Variants in MSI2 observed in about 807,000 individuals in gnomAD.
MSI2 encodes musashi RNA binding protein 2.
MSI2 carries 17 observed loss-of-function variants against 45.6 expected under a neutral mutation model. The observed-to-expected ratio is 0.37, with a 90% CI of 0.26 to 0.56. The LOEUF (loss-of-function observed/expected upper bound fraction) is 0.56, where lower values mean the gene tolerates loss of function less well. Ranked by LOEUF, MSI2 falls within the 20% of genes least tolerant of loss-of-function variation. The pLI is 0.77. For missense variants in MSI2, 293 were observed against 444.2 expected, an observed-to-expected ratio of 0.66 and a Z score of 3.06; for synonymous variants, 156 against 158.2, an observed-to-expected ratio of 0.99 and a Z score of 0.11.
At chr17:57,617,225 TCTC>T (rs1907801578) in intron 9 of MSI2, among the ~76,000 whole-genome samples, 1 of 152,236 alleles carries the variant, frequency 6.6e-6, no homozygotes, top group African/African-American at 2.4e-5. Context: ...TGATGTTAAT[TCTC>T]CTCATATGAA....
At chr17:57,698,759 G>A in the MSI2 span, among the ~76,000 whole-genome samples, 5 of 152,060 alleles carry the variant, frequency 3.3e-5, no homozygotes, top group African/African-American at 7.2e-5. Flanking sequence ...GTCAAGTCAC[G>A]TGTTTCAAAA....
At chr17:57,539,026 GT>G (rs375843825) in intron 7 of MSI2, among the ~76,000 whole-genome samples, 94 of 152,236 alleles carry the variant, frequency 6.2e-4, no homozygotes, top group African/African-American at 2.1e-3. Flanking sequence ...ACTCAAATAT[GT>G]TTTATGCACA....
At position 57,575,147 on chromosome 17, in the gene MSI2, T is replaced by C. The variant is rs922257821; in HGVS notation, c.455-21721T>C. Among the ~76,000 whole-genome samples the C allele has an allele frequency of 7.2e-3, 857 of 119,034 alleles. 4 individuals are homozygous for C. The highest frequency in any genetic ancestry group is 0.013 in the African/African-American group (348 of 27,504). 78.1% of individuals were successfully genotyped at this position (119,034 alleles called of 152,430 possible). A position where few individuals can be genotyped will look rare whatever the true frequency, so the allele number is the denominator to read the frequency against. On this transcript the variant is annotated intron_variant, in intron 7 of 13. Transcript: ENST00000284073. Reference sequence around the variant, plus strand: ...GCCCGGCCGCATTCTCTTTTTTAACTCCCTCCCCCCGCCACCCCCCGGCTG... The same window carrying C: ...GCCCGGCCGCATTCTCTTTTTTAACCCCCTCCCCCCGCCACCCCCCGGCTG...
chr17:57,479,910 A>G (rs927869045), intron 6 of MSI2, among the ~76,000 whole-genome samples: 1 of 152,248 alleles, frequency 6.6e-6, no homozygotes, highest in African/African-American at 2.4e-5. Flanking sequence ...ACGTTCTGCC[A>G]GCATTCAAAC....
At chr17:57,525,488 A>G (rs762222850) in intron 6 of MSI2, among the ~76,000 whole-genome samples, 1 of 152,102 alleles carries the variant, frequency 6.6e-6, no homozygotes, top group Non-Finnish European at 1.5e-5. Flanking sequence ...AGGTCTTGCT[A>G]TGTTGCCCAG....
At position 57,268,538 on chromosome 17, in the gene MSI2, TAA is replaced by T. The variant is rs34718628; in HGVS notation, c.312+6359_312+6360del. 672 of 143,070 alleles carry T rather than the reference TAA, an allele frequency of 4.7e-3. 5 individuals carry two copies. Among genetic ancestry groups the T allele is most frequent in the African/African-American group, 0.016 (628 of 39,292 alleles). 8.9% of individuals were successfully genotyped at this position (143,070 alleles called of 1,614,324 possible). On this transcript the variant is annotated intron_variant, in intron 5 of 13. Coordinates refer to ENST00000284073, the MANE Select transcript of MSI2 (RefSeq NM_138962.4). ...GACACAAGCATATTTTACTAATAAT[TAA>T]AAAAAAAAAAAACCCAGCCAGGTGC...
At chr17:57,534,208 T>G (rs1884356005) in intron 7 of MSI2, among the ~76,000 whole-genome samples, 1 of 152,238 alleles carries the variant, frequency 6.6e-6, no homozygotes, top group Non-Finnish European at 1.5e-5. Flanking sequence ...GCTCTTACAC[T>G]CTGCAAGCAT....
intron 7 of MSI2, among the ~76,000 whole-genome samples, chr17:57,555,739 A>G (rs1441054257): frequency 6.6e-6 from 1 of 152,194 alleles, no homozygotes; most frequent in African/African-American, 2.4e-5. Context: ...TACTTGGTAT[A>G]TGCTTATTAA....
At chr17:57,443,792 G>T (rs902744735) in intron 6 of MSI2, among the ~76,000 whole-genome samples, 1 of 152,176 alleles carries the variant, frequency 6.6e-6, no homozygotes, top group Admixed American at 6.5e-5. Context: ...GACAAAAGGG[G>T]ATCATCATTG....
chr17:57,478,445 C>A (rs1836252558), intron 6 of MSI2, among the ~76,000 whole-genome samples: 1 of 152,190 alleles, frequency 6.6e-6, no homozygotes, highest in South Asian at 2.1e-4. Context: ...CTTTAGGATG[C>A]ACTGCCAGAT....
chr17:57,631,062 T>G (rs1909323518), intron 10 of MSI2: 1 of 152,374 alleles, frequency 6.6e-6, no homozygotes, highest in South Asian at 2.1e-4. Flanking sequence ...TGATGTTTTC[T>G]TTGTGGTCTT....
At chr17:57,303,668 C>G (rs1186288426) in intron 5 of MSI2, among the ~76,000 whole-genome samples, 1 of 152,188 alleles carries the variant, frequency 6.6e-6, no homozygotes, top group Non-Finnish European at 1.5e-5. Context: ...TGCTACATCA[C>G]TCGGAATACC....
At chr17:57,504,947 A>C (rs1333231434) in intron 6 of MSI2, among the ~76,000 whole-genome samples, 1 of 150,950 alleles carries the variant, frequency 6.6e-6, no homozygotes, top group Non-Finnish European at 1.5e-5. Context: ...AAAAAAAAAG[A>C]AGAAAAAGTA....
intron 5 of MSI2, among the ~76,000 whole-genome samples, chr17:57,358,722 G>C (rs1916617810): frequency 6.6e-6 from 1 of 152,126 alleles, no homozygotes; most frequent in Non-Finnish European, 1.5e-5. Context: ...AATAATTTTA[G>C]GACAAATAAA....
chr17:57,420,231 A>G (rs1162191787), intron 6 of MSI2, among the ~76,000 whole-genome samples: 1 of 152,218 alleles, frequency 6.6e-6, no homozygotes, highest in Admixed American at 6.5e-5. Context: ...CAAGGTAGAC[A>G]TGGGTCAGCC....
intron 11 of MSI2, among the ~76,000 whole-genome samples, chr17:57,664,822 T>C (rs564256607): frequency 8.9e-4 from 135 of 152,272 alleles, no homozygotes; most frequent in African/African-American, 3.1e-3. Context: ...AACCCAGAGA[T>C]TGTGGCCAGT....
intron 5 of MSI2, among the ~76,000 whole-genome samples, chr17:57,326,278 C>T (rs779361126): frequency 5.9e-5 from 9 of 152,084 alleles, no homozygotes; most frequent in Non-Finnish European, 1.3e-4. Context: ...TTCTTGATCC[C>T]GCTTAGTGTG....
rs1200532943 is a variant in MSI2, at chr17:57,680,590, C to T, written c.*1073C>T. Reference sequence around the variant, plus strand: ...ACCTAAGAACTGTATTAGTGTTGTACCAGCCTATTAACCTCTTGTCTGTGC... The same window carrying T: ...ACCTAAGAACTGTATTAGTGTTGTATCAGCCTATTAACCTCTTGTCTGTGC... On this transcript the variant is annotated 3_prime_UTR_variant, in exon 14 of 14. Coordinates refer to ENST00000284073, the MANE Select transcript of MSI2 (RefSeq NM_138962.4). 4.4e-6 allele frequency: 1 copy of T among 226,898 alleles called. No homozygotes were observed. Among genetic ancestry groups the T allele is most frequent in the East Asian group, 6.3e-5 (1 of 15,864 alleles). The allele number at this position is 226,898 out of a possible 1,614,324, so 14.1% of individuals were successfully genotyped here. A position where few individuals can be genotyped will look rare whatever the true frequency, so the allele number is the denominator to read the frequency against.
At chr17:57,696,044 C>T in the MSI2 span, among the ~76,000 whole-genome samples, 1 of 152,188 alleles carries the variant, frequency 6.6e-6, no homozygotes, top group Admixed American at 6.5e-5. Context: ...CAGATACAGC[C>T]ACACTGGGGG....
Sources: allele counts gnomAD v4.1 joint callset (sites outside exome capture counted in the v4.1 genomes callset), GRCh38; gene constraint gnomAD v4.1.1; transcripts MANE v1.5; gene names NCBI Gene and HGNC (gene_info 2026-07-23, HGNC 2026-07-21).